WWC1: variants seen among roughly 807,000 people sequenced by gnomAD.
WWC1 encodes the protein WW and C2 domain containing 1.
WWC1 carries 55 observed loss-of-function variants against 138.4 expected under a neutral mutation model. That is an observed-to-expected ratio of 0.40 (90% CI 0.32 to 0.50). The LOEUF is 0.50. Among genes scored for constraint, WWC1 ranks in the 20% least tolerant of loss-of-function variants. The pLI is 0.72. For synonymous variants in WWC1, 524 were observed against 564.9 expected, an observed-to-expected ratio of 0.93 and a Z score of 1.03; for missense variants, 1,226 against 1,420.4, an observed-to-expected ratio of 0.86 and a Z score of 2.20.
intron 1 of WWC1, among the ~76,000 whole-genome samples, chr5:168,337,816 A>C (rs181123367): frequency 1.7e-4 from 26 of 152,346 alleles, no homozygotes; most frequent in African/African-American, 6.0e-4. Context: ...TCAGTCACAC[A>C]AGAGGGTGAC....
chr5:168,322,861 C>T (rs1772226733), intron 1 of WWC1, among the ~76,000 whole-genome samples: 1 of 152,132 alleles, frequency 6.6e-6, no homozygotes, highest in South Asian at 2.1e-4. Context: ...AAACAATTCT[C>T]AAGAAGATTA....
chr5:168,432,850 C>T (rs1210559354), intron 15 of WWC1, among the ~76,000 whole-genome samples: 5 of 152,200 alleles, frequency 3.3e-5, no homozygotes, highest in Non-Finnish European at 4.4e-5. Flanking sequence ...TACACCTCTC[C>T]GAGCCTCTCC....
intron 1 of WWC1, among the ~76,000 whole-genome samples, chr5:168,301,461 C>T (rs1243918986): frequency 2.0e-5 from 3 of 152,082 alleles, no homozygotes; most frequent in Non-Finnish European, 4.4e-5. Flanking sequence ...CATGGTGAAA[C>T]ACCATCTCTA....
intron 17 of WWC1, among the ~76,000 whole-genome samples, chr5:168,449,570 C>CTTTTT (rs10636051): frequency 9.3e-4 from 84 of 90,716 alleles, no homozygotes; most frequent in Non-Finnish European, 1.0e-3. Context: ...TTTAACAGCT[C>CTTTTT]TTTTTTTTTT....
rs1363536880 is a variant in WWC1, at chr5:168,292,972, C to G, written c.119+701C>G. 6.6e-6 allele frequency among the ~76,000 whole-genome samples: 1 copy of G among 152,142 alleles called. No homozygotes were observed. Among genetic ancestry groups the G allele is most frequent in the African/African-American group, 2.4e-5 (1 of 41,440 alleles). ...GGATGGAGATGGAGGTGAGAGGCCT[C>G]CCGGAAAGCCTTGCCCCTCGCCTCT... On this transcript the variant is annotated intron_variant, in intron 1 of 22. Coordinates refer to ENST00000265293, the MANE Select transcript of WWC1 (RefSeq NM_015238.3). The surrounding 1 kb of genome is among the most constrained non-coding windows in gnomAD (Gnocchi z 4.4).
At chr5:168,438,737 A>G (rs1754479469) in intron 15 of WWC1, among the ~76,000 whole-genome samples, 1 of 152,130 alleles carries the variant, frequency 6.6e-6, no homozygotes, top group Admixed American at 6.5e-5. Context: ...TGTCGAAACA[A>G]TAAAGCCTCT....
At chr5:168,431,521 T>C in intron 15 of WWC1, 77 bp downstream of exon 15, 1 of 1,506,840 alleles carries the variant, frequency 6.6e-7, no homozygotes, top group Non-Finnish European at 8.9e-7. Context: ...CTTCTGTGTT[T>C]ATGGGGATTG....
intron 4 of WWC1, among the ~76,000 whole-genome samples, chr5:168,398,354 A>G (rs560457247): frequency 7.9e-5 from 12 of 152,150 alleles, no homozygotes; most frequent in Non-Finnish European, 1.6e-4. Flanking sequence ...CCACCTGCTC[A>G]GCTTCCCAAA....
Position 168,385,423 on chromosome 5 carries a change from C to T in WWC1, c.433+9C>T. ...GGGCTCCCAGGTCAGCTGTGAGTAC[C>T]TCCCACTACCACCACCCCCACCGAC... is the stretch of plus-strand genomic sequence containing the variant. On this transcript the variant is annotated intron_variant, in intron 3 of 22. Coordinates refer to ENST00000265293, the MANE Select transcript of WWC1 (RefSeq NM_015238.3). The T allele has an allele frequency of 3.1e-6, 5 of 1,612,126 alleles. No individual in the cohort carries two copies. Among genetic ancestry groups the T allele is most frequent in the Non-Finnish European group, 4.2e-6 (5 of 1,179,474 alleles).
intron 1 of WWC1, among the ~76,000 whole-genome samples, chr5:168,352,354 A>G (rs1775033722): frequency 6.6e-6 from 1 of 152,104 alleles, no homozygotes; most frequent in Non-Finnish European, 1.5e-5. Context: ...GTAATTATTC[A>G]AATATCATTC....
At chr5:168,423,352 G>C (rs979923579) in intron 10 of WWC1, among the ~76,000 whole-genome samples, 181 bp from the exon 11 acceptor site, 2 of 152,126 alleles carry the variant, frequency 1.3e-5, no homozygotes, top group African/African-American at 4.8e-5. Context: ...GCTCTGCCAT[G>C]TCTTGATTAT....
chr5:168,320,824 G>A (rs896051088), intron 1 of WWC1, among the ~76,000 whole-genome samples: 4 of 152,152 alleles, frequency 2.6e-5, no homozygotes, highest in East Asian at 1.9e-4. Context: ...GTTTCTGTCC[G>A]ATGTCCCTCC....
In WWC1 at chr5:168,436,054, G is replaced by A. The variant is rs772233431; in HGVS notation, c.2280+4610G>A. On this transcript the variant is annotated intron_variant, in intron 15 of 22. Transcript: ENST00000265293. ...GATGGGGTTTCCCCATGTTGGCCAC[G>A]CTGGTCTCAAACTTCTGACCTCAAG... is the stretch of plus-strand genomic sequence containing the variant. Among the ~76,000 whole-genome samples the A allele has an allele frequency of 3.6e-4, 54 of 152,058 alleles. 1 individual carries two copies. The highest frequency in any genetic ancestry group is 2.2e-4 in the African/African-American group (9 of 41,384).
At chr5:168,457,560 A>C (rs970705188) in intron 19 of WWC1, among the ~76,000 whole-genome samples, 25 of 152,300 alleles carry the variant, frequency 1.6e-4, no homozygotes, top group Admixed American at 1.5e-3. Context: ...CAGTATATGC[A>C]GGAAAATTTG....
At chr5:168,370,584 G>A (rs1776674640) in intron 1 of WWC1, among the ~76,000 whole-genome samples, 3 of 152,130 alleles carry the variant, frequency 2.0e-5, no homozygotes, top group African/African-American at 7.2e-5. Flanking sequence ...AAACCAAAGT[G>A]ACTGTCTGGA....
At chr5:168,440,678 C>T (rs1428219111) in intron 15 of WWC1, among the ~76,000 whole-genome samples, 5 of 152,128 alleles carry the variant, frequency 3.3e-5, no homozygotes, top group Non-Finnish European at 7.4e-5. Context: ...CCACCACGCT[C>T]GGCTAATTTT....
rs1757432710 is a variant in WWC1 at position 168,467,900 on chromosome 5, G to T, written c.3211G>T (p.Ala1071Ser). Residue 1071 changes from alanine (A) to serine (S), a missense_variant, in exon 22 of 23, where the codon GCC becomes TCC. Transcript: ENST00000265293. ...LQTDKMMRAA[A>S]KDVHRLRGQS... ...GACAGACAAGATGATGAGGGCAGCT[G>T]CCAAGGATGTGCACAGGCTCCGAGG... 2 of 1,614,234 alleles carry T rather than the reference G, an allele frequency of 1.2e-6. No homozygotes were observed. Among genetic ancestry groups the T allele is most frequent in the East Asian group, 4.5e-5 (2 of 44,884 alleles).
intron 3 of WWC1, among the ~76,000 whole-genome samples, chr5:168,385,975 C>T (rs1778014594): frequency 6.6e-6 from 1 of 152,168 alleles, no homozygotes; most frequent in African/African-American, 2.4e-5. Context: ...ATGCCCTCCT[C>T]ACTAGGCTCC....
intron 1 of WWC1, among the ~76,000 whole-genome samples, chr5:168,302,346 A>C (rs1297842869): frequency 6.6e-6 from 1 of 152,196 alleles, no homozygotes; most frequent in African/African-American, 2.4e-5. Flanking sequence ...CTGTTGCCAG[A>C]GCGGAGGATC....
Sources: gnomAD v4.1 joint callset for allele counts (sites outside exome capture counted in the v4.1 genomes callset) on GRCh38, gnomAD v4.1.1 for gene constraint, Gnocchi (gnomAD v3.1) non-coding constraint, MANE v1.5 for transcripts, NCBI Gene and HGNC (gene_info 2026-07-23, HGNC 2026-07-21) for gene names.